Variants in NLGN1 observed in about 807,000 individuals in gnomAD.
The protein encoded by NLGN1 is neuroligin-1.
Under a neutral mutation model 65.5 loss-of-function variants are expected in NLGN1, and 12 were observed. The observed-to-expected ratio is 0.18, with a 90% CI of 0.12 to 0.30. NLGN1 has a LOEUF of 0.30. NLGN1 is among the 10% of genes least tolerant of loss of function. The probability of loss-of-function intolerance (pLI) is 1.00; values close to 1 mark genes in which losing one functional copy is unlikely to be tolerated. For missense variants in NLGN1, 750 were observed against 1,007.1 expected, an observed-to-expected ratio of 0.74 and a Z score of 3.46; for synonymous variants, 350 against 359.5, an observed-to-expected ratio of 0.97 and a Z score of 0.30.
At chr3:173,738,270 AT>A (rs1358887304) in intron 3 of NLGN1, among the ~76,000 whole-genome samples, 1 of 151,630 alleles carries the variant, frequency 6.6e-6, no homozygotes, top group African/African-American at 2.4e-5. Flanking sequence ...CCAGTTTATC[AT>A]TTTTTTCTTG....
intron 4 of NLGN1, among the ~76,000 whole-genome samples, chr3:173,898,257 AT>A (rs1736685517): frequency 6.6e-6 from 1 of 152,180 alleles, no homozygotes; most frequent in South Asian, 2.1e-4. Context: ...GAAATATACA[AT>A]TTTACAGAAA....
chr3:173,848,111 T>C (rs1029649817), intron 4 of NLGN1, among the ~76,000 whole-genome samples: 4 of 152,208 alleles, frequency 2.6e-5, no homozygotes, highest in Non-Finnish European at 5.9e-5. Flanking sequence ...GCTGTGAGAC[T>C]TGGAGCATGT....
At chr3:173,992,752 A>T (rs1157704215) in intron 4 of NLGN1, among the ~76,000 whole-genome samples, 1 of 152,234 alleles carries the variant, frequency 6.6e-6, no homozygotes, top group South Asian at 2.1e-4. Flanking sequence ...AGACAAGAAG[A>T]TATTAAGAGC....
At position 174,247,872 on chromosome 3, in the gene NLGN1, T is replaced by C. The variant is rs966038659; in HGVS notation, c.647-27443T>C. On this transcript the variant is annotated intron_variant, in intron 4 of 6. Coordinates refer to ENST00000457714, the Ensembl canonical transcript of NLGN1. ...TATCTGAACAAGAACTGAAAGGGTCTGTAAATCTGCCTGAAAGTTTGCAGA... is the reference window on the plus strand; with the variant it reads ...TATCTGAACAAGAACTGAAAGGGTCCGTAAATCTGCCTGAAAGTTTGCAGA... Among the ~76,000 whole-genome samples the C allele has an allele frequency of 2.6e-5, 4 of 152,346 alleles. No individual in the cohort carries two copies. In the South Asian group the frequency reaches 6.2e-4, roughly 24 times the overall value.
intron 2 of NLGN1, among the ~76,000 whole-genome samples, chr3:173,530,142 A>ACAAGGTTT (rs1736325493): frequency 6.6e-6 from 1 of 151,960 alleles, no homozygotes; most frequent in Non-Finnish European, 1.5e-5. Flanking sequence ...TTTAGTAGAG[A>ACAAGGTTT]CAAGGTTTCA....
Position 174,222,434 on chromosome 3 carries a change from G to T in NLGN1, c.647-52881G>T, listed in dbSNP as rs538038294. 4.1e-4 allele frequency among the ~76,000 whole-genome samples: 62 copies of T among 152,174 alleles called. 2 individuals carry two copies. The highest frequency in any genetic ancestry group is 1.3e-3 in the African/African-American group (55 of 41,504). The stretch of plus-strand genomic sequence containing the variant: ...TGGTTAGAAAAGTTAGAAACTAAAC[G>T]TAAGTTTTCCAAACTTTTATCCCCA... On this transcript the variant is annotated intron_variant, in intron 4 of 6. Coordinates refer to ENST00000457714, the Ensembl canonical transcript of NLGN1.
intron 4 of NLGN1, among the ~76,000 whole-genome samples, chr3:174,226,170 C>G (rs1739646800): frequency 6.6e-6 from 1 of 151,972 alleles, no homozygotes; most frequent in African/African-American, 2.4e-5. Flanking sequence ...ATGAAGAAAG[C>G]ATGGAAGTTC....
chr3:173,452,695 G>A (rs867948264), intron 2 of NLGN1, among the ~76,000 whole-genome samples: 8 of 152,110 alleles, frequency 5.3e-5, no homozygotes, highest in Admixed American at 1.3e-4. Context: ...GTTATCTAGC[G>A]AAACAGAACC....
rs116024776 is a variant in NLGN1 at position 174,146,862 on chromosome 3, C to T, written c.647-128453C>T. 4.0e-3 allele frequency among the ~76,000 whole-genome samples: 610 copies of T among 152,136 alleles called. 1 individual carries two copies. The highest frequency in any genetic ancestry group is 0.011 in the African/African-American group (465 of 41,502). On this transcript the variant is annotated intron_variant, in intron 4 of 6. Transcript: ENST00000457714. ...GGATTACAGGCGTGAGCCACTGCGC[C>T]GGGCTGACATGAATCTTAATTACAA...
chr3:174,246,784 AATGG>A (rs1182140630), intron 4 of NLGN1, among the ~76,000 whole-genome samples: 2 of 152,098 alleles, frequency 1.3e-5, no homozygotes, highest in South Asian at 4.2e-4. Flanking sequence ...CTCATGAATG[AATGG>A]ATGGTTAAAT....
intron 2 of NLGN1, among the ~76,000 whole-genome samples, chr3:173,571,302 T>A (rs1744612222): frequency 2.6e-5 from 4 of 152,246 alleles, no homozygotes; most frequent in Admixed American, 2.6e-4. Flanking sequence ...TCAGATATGT[T>A]GAAGTGCTTA....
chr3:173,876,904 A>G (rs1732215003), intron 4 of NLGN1, among the ~76,000 whole-genome samples: 1 of 152,176 alleles, frequency 6.6e-6, no homozygotes, highest in Admixed American at 6.5e-5. Flanking sequence ...AGGAATTGCA[A>G]AGAATTAATA....
intron 3 of NLGN1, among the ~76,000 whole-genome samples, chr3:173,611,339 A>G (rs1287288318): frequency 1.3e-5 from 2 of 152,028 alleles, no homozygotes; most frequent in African/African-American, 4.8e-5. Context: ...AAAGATTCAT[A>G]ATTTGTTGTT....
At chr3:174,027,059 AT>A (rs146892272) in intron 4 of NLGN1, among the ~76,000 whole-genome samples, 94 of 130,360 alleles carry the variant, frequency 7.2e-4, no homozygotes, top group Admixed American at 9.4e-4. Context: ...GTCTAGTTCA[AT>A]TTTTTTAAAA....
intron 4 of NLGN1, among the ~76,000 whole-genome samples, chr3:173,850,947 G>C (rs946445784): frequency 2.0e-5 from 3 of 151,472 alleles, no homozygotes; most frequent in Non-Finnish European, 4.4e-5. Context: ...GTCTTGCCAT[G>C]TTGCCCAGGC....
intron 2 of NLGN1, among the ~76,000 whole-genome samples, chr3:173,465,584 G>A (rs756476654): frequency 6.6e-5 from 10 of 152,104 alleles, no homozygotes; most frequent in East Asian, 3.8e-4. Context: ...AATGAACATC[G>A]GAAAATAATA....
At chr3:173,549,360 T>C (rs1363316333) in intron 2 of NLGN1, among the ~76,000 whole-genome samples, 1 of 152,088 alleles carries the variant, frequency 6.6e-6, no homozygotes, top group Non-Finnish European at 1.5e-5. Context: ...CTTTTGGTTT[T>C]TTAAATTTTA....
At chr3:173,566,065 C>T (rs1368257710) in intron 2 of NLGN1, among the ~76,000 whole-genome samples, 1 of 152,122 alleles carries the variant, frequency 6.6e-6, no homozygotes, top group Non-Finnish European at 1.5e-5. Context: ...TAGATAAAGA[C>T]CGGCCTATAC....
chr3:174,084,863 T>C (rs1742941968), intron 4 of NLGN1, among the ~76,000 whole-genome samples: 1 of 152,016 alleles, frequency 6.6e-6, no homozygotes, highest in African/African-American at 2.4e-5. Flanking sequence ...ACTTAAACAA[T>C]GTGAAATATT....
Sources: allele counts gnomAD v4.1 joint callset (sites outside exome capture counted in the v4.1 genomes callset), GRCh38; gene constraint gnomAD v4.1.1; transcripts MANE v1.5; gene names NCBI Gene and HGNC (gene_info 2026-07-23, HGNC 2026-07-21).